The following TMEM108 variants were observed in gnomAD, a reference collection of about 807,000 sequenced individuals.
The protein encoded by TMEM108 is transmembrane protein 108.
A neutral mutation model predicts 35.1 loss-of-function variants in TMEM108; 12 were observed. The observed-to-expected ratio is 0.34, with a 90% CI of 0.22 to 0.55. TMEM108 has a LOEUF of 0.55. Ranked by LOEUF, TMEM108 falls within the 20% of genes least tolerant of loss-of-function variation. The pLI, the probability that TMEM108 is intolerant of heterozygous loss-of-function variation, is 0.89. For synonymous variants in TMEM108, 287 were observed against 308.6 expected (o/e 0.93, Z 0.73); for missense variants, 680 against 753.3 (o/e 0.90, Z 1.14).
intron 2 of TMEM108, among the ~76,000 whole-genome samples, chr3:133,156,341 G>C (rs188302212): frequency 2.0e-5 from 3 of 152,266 alleles, no homozygotes; most frequent in Admixed American, 2.0e-4. Flanking sequence ...AGAATTTAGA[G>C]ATACCGTACA....
intron 3 of TMEM108, among the ~76,000 whole-genome samples, chr3:133,301,495 C>G (rs554491150): frequency 5.9e-5 from 9 of 152,208 alleles, no homozygotes; most frequent in Non-Finnish European, 8.8e-5. Flanking sequence ...CTATATTATG[C>G]CATTTTTGAA....
intron 2 of TMEM108, among the ~76,000 whole-genome samples, chr3:133,159,374 TTC>T (rs1441044406): frequency 6.6e-6 from 1 of 152,200 alleles, no homozygotes; most frequent in Non-Finnish European, 1.5e-5. Context: ...ATCTGTGCAT[TTC>T]TCTTTCTTCT....
intron 5 of TMEM108, among the ~76,000 whole-genome samples, chr3:133,394,395 T>C (rs533137215): frequency 2.6e-5 from 4 of 152,244 alleles, no homozygotes; most frequent in Non-Finnish European, 4.4e-5. Flanking sequence ...GAAACTTCCA[T>C]TCTTTTTTCT....
intron 3 of TMEM108, among the ~76,000 whole-genome samples, chr3:133,342,799 G>C (rs1795094): frequency 0.82 from 123,504 of 150,102 alleles, 51,028 homozygotes; most frequent in East Asian, 0.93. Flanking sequence ...GGTTGGTTAA[G>C]GGATACAAAA....
chr3:133,326,362 G>C lies in TMEM108; in HGVS notation c.41-53390G>C, dbSNP rs966823778. Among the ~76,000 whole-genome samples the C allele has an allele frequency of 1.4e-4, 21 of 152,116 alleles. 1 individual carries two copies. Among genetic ancestry groups the C allele is most frequent in the African/African-American group, 4.8e-4 (20 of 41,412 alleles). The stretch of plus-strand genomic sequence containing the variant: ...CTTTTATGCAACCAGCCCCAAGGAC[G>C]TGTCACCCAAGGATCCCAGGAGGCA... On this transcript the variant is annotated intron_variant, in intron 3 of 5. Transcript: ENST00000321871.
intron 2 of TMEM108, among the ~76,000 whole-genome samples, chr3:133,072,845 A>G (rs1179209097): frequency 6.6e-6 from 1 of 152,122 alleles, no homozygotes; most frequent in African/African-American, 2.4e-5. Context: ...GACAGGCAGT[A>G]ATCTACTTTG....
intron 2 of TMEM108, among the ~76,000 whole-genome samples, chr3:133,073,224 A>C (rs1397418426): frequency 1.3e-5 from 2 of 151,846 alleles, no homozygotes; most frequent in Non-Finnish European, 2.9e-5. Flanking sequence ...TTTTGGATTT[A>C]TTAGTCCTGT....
intron 2 of TMEM108, among the ~76,000 whole-genome samples, chr3:133,117,887 T>G (rs1224296834): frequency 6.6e-6 from 1 of 152,162 alleles, no homozygotes; most frequent in East Asian, 1.9e-4. Context: ...AATCAGCACC[T>G]GGGTAAGATT....
rs1177372004 is a variant in TMEM108 at position 133,346,886 on chromosome 3, A to G, written c.41-32866A>G. Among the ~76,000 whole-genome samples the G allele has an allele frequency of 2.0e-5, 3 of 152,118 alleles. No homozygotes were observed. Among genetic ancestry groups the G allele is most frequent in the Non-Finnish European group, 4.4e-5 (3 of 67,972 alleles). On this transcript the variant is annotated intron_variant, in intron 3 of 5. Transcript: ENST00000321871. The surrounding 1 kb of genome is among the most constrained non-coding windows in gnomAD (Gnocchi z 4.0). ...ATGTCCAGTTGTCCTGGCACCGTTT[A>G]TTGAACAAACAGTCCTTTCTCCATT...
intron 3 of TMEM108, among the ~76,000 whole-genome samples, chr3:133,243,939 A>T (rs1946349296): frequency 1.3e-5 from 2 of 152,254 alleles, no homozygotes; most frequent in African/African-American, 2.4e-5. Flanking sequence ...GGAATAACTG[A>T]TAGGGGAAAA....
intron 2 of TMEM108, among the ~76,000 whole-genome samples, chr3:133,087,114 G>A (rs762529242): frequency 1.3e-5 from 2 of 152,178 alleles, no homozygotes; most frequent in African/African-American, 4.8e-5. Flanking sequence ...AGCCCTGATA[G>A]AGATTAATGT....
chr3:133,118,467 C>G (rs957223007), intron 2 of TMEM108, among the ~76,000 whole-genome samples: 1 of 152,106 alleles, frequency 6.6e-6, no homozygotes, highest in Non-Finnish European at 1.5e-5. Flanking sequence ...AAGCATTTGT[C>G]TTAAGTTTTG....
At chr3:133,063,703 C>T (rs1943562389) in intron 2 of TMEM108, among the ~76,000 whole-genome samples, 1 of 152,118 alleles carries the variant, frequency 6.6e-6, no homozygotes, top group Non-Finnish European at 1.5e-5. Flanking sequence ...CTGATATTCC[C>T]AAGGCTATTG....
chr3:133,238,320 A>G (rs1157085918), intron 3 of TMEM108, among the ~76,000 whole-genome samples: 4 of 152,198 alleles, frequency 2.6e-5, no homozygotes, highest in African/African-American at 9.6e-5. Context: ...AGCTTGATTC[A>G]TAATGGGAGT....
chr3:133,386,560 G>C (rs2107854158), intron 4 of TMEM108: 3 of 1,506,136 alleles, frequency 2.0e-6, no homozygotes, highest in Non-Finnish European at 2.7e-6. Context: ...TGACATTCCT[G>C]GGAACCCAAG....
intron 3 of TMEM108, among the ~76,000 whole-genome samples, chr3:133,245,554 C>A (rs1281235948): frequency 6.6e-6 from 1 of 152,198 alleles, no homozygotes; most frequent in African/African-American, 2.4e-5. Flanking sequence ...TGAAATTATA[C>A]AATTTTTTTT....
chr3:133,193,874 A>G (rs944331353), intron 2 of TMEM108, among the ~76,000 whole-genome samples: 3 of 152,154 alleles, frequency 2.0e-5, no homozygotes, highest in African/African-American at 7.2e-5. Flanking sequence ...AATCTTATTT[A>G]TAAAATATTT....
At chr3:133,038,460 C>T (rs1943232117) in intron 1 of TMEM108, 25 bp downstream of exon 1, 1 of 152,376 alleles carries the variant, frequency 6.6e-6, no homozygotes, top group South Asian at 2.1e-4. Context: ...GGGGCGTCCC[C>T]CCAGTCCTTC....
At chr3:133,227,189 CTTTTTT>C (rs35518753) in intron 2 of TMEM108, among the ~76,000 whole-genome samples, 3 of 83,476 alleles carry the variant, frequency 3.6e-5, no homozygotes, top group Non-Finnish European at 2.2e-5. Flanking sequence ...GAAGGCCTTT[CTTTTTT>C]TTTTTTTTTT....
Sources: allele counts gnomAD v4.1 joint callset (sites outside exome capture counted in the v4.1 genomes callset), GRCh38; gene constraint gnomAD v4.1.1; non-coding constraint Gnocchi (gnomAD v3.1); transcripts MANE v1.5; gene names NCBI Gene and HGNC (gene_info 2026-07-23, HGNC 2026-07-21).